SFI1: variants seen among roughly 807,000 people sequenced by gnomAD.
SFI1 encodes SFI1 centrin binding protein.
Under a neutral mutation model 207.5 loss-of-function variants are expected in SFI1, and 195 were observed. That is an observed-to-expected ratio of 0.94 (90% CI 0.84 to 1.06). The LOEUF (loss-of-function observed/expected upper bound fraction) is 1.06, where lower values mean the gene tolerates loss of function less well. SFI1 is among the 50% of genes least tolerant of loss of function. The pLI is 0.00. For missense variants in SFI1, 1,634 were observed against 1,588.0 expected (o/e 1.03, Z -0.49); for synonymous variants, 630 against 598.9 (o/e 1.05, Z -0.76).
At chr22:31,580,762 C>T (rs1214341679) in intron 12 of SFI1, among the ~76,000 whole-genome samples, 4 of 152,060 alleles carry the variant, frequency 2.6e-5, no homozygotes, top group East Asian at 1.9e-4. Flanking sequence ...AGGCTTGTCT[C>T]GAACTCCTGA....
intron 12 of SFI1, among the ~76,000 whole-genome samples, chr22:31,583,665 A>G (rs1202416667): frequency 6.6e-6 from 1 of 152,222 alleles, no homozygotes; most frequent in East Asian, 1.9e-4. Flanking sequence ...TCTAATTTCC[A>G]TAGACTGGAA....
At chr22:31,597,829 T>C (rs2067369654) in intron 15 of SFI1, among the ~76,000 whole-genome samples, 1 of 152,226 alleles carries the variant, frequency 6.6e-6, no homozygotes, top group Non-Finnish European at 1.5e-5. Context: ...TGATGGAATC[T>C]CATGAATTAT....
In SFI1 at chr22:31,602,356, A is replaced by G. The variant is rs1028397002; in HGVS notation, c.1626+63A>G. The G allele has an allele frequency of 2.3e-5, 35 of 1,500,628 alleles. No individual in the cohort carries two copies. In the African/African-American group the frequency reaches 4.8e-4, roughly 21 times the overall value. The allele number at this position is 1,500,628 out of a possible 1,614,324, so 93.0% of individuals were successfully genotyped here. A position where few individuals can be genotyped will look rare whatever the true frequency, so the allele number is the denominator to read the frequency against. Reference sequence around the variant, plus strand: ...GGATCTGATTCAAGCCATTGCACTCACGGCCTCCCCTCCTCAGGAAGTTGC... The same window carrying G: ...GGATCTGATTCAAGCCATTGCACTCGCGGCCTCCCCTCCTCAGGAAGTTGC... On this transcript the variant is annotated intron_variant, in intron 16 of 32. Coordinates refer to ENST00000400288, the MANE Select transcript of SFI1 (RefSeq NM_001007467.3).
chr22:31,529,903 G>A (rs2058298715), intron 3 of SFI1, among the ~76,000 whole-genome samples: 1 of 152,076 alleles, frequency 6.6e-6, no homozygotes. Context: ...GGGTATGGTG[G>A]CTCACGCCTG....
chr22:31,596,603 C>A (rs1175498578), intron 15 of SFI1, among the ~76,000 whole-genome samples: 2 of 151,830 alleles, frequency 1.3e-5, no homozygotes, highest in Non-Finnish European at 2.9e-5. Context: ...CCAGTCTGAC[C>A]AACATGGCAA....
chr22:31,535,804 A>G (rs2058942553), intron 4 of SFI1, among the ~76,000 whole-genome samples: 1 of 152,042 alleles, frequency 6.6e-6, no homozygotes, highest in African/African-American at 2.4e-5. Context: ...TGGTGTGATC[A>G]TAGCTCACTG....
rs995488126 is a variant in SFI1 at position 31,607,700 on chromosome 22, T to C, written c.2158-237T>C. The C allele has an allele frequency of 1.2e-5, 4 of 328,342 alleles. No homozygotes were observed. The East Asian group carries it at 1.6e-4, about 13-fold the overall frequency. The allele number at this position is 328,342 out of a possible 1,614,324, so 20.3% of individuals were successfully genotyped here. A position where few individuals can be genotyped will look rare whatever the true frequency, so the allele number is the denominator to read the frequency against. On this transcript the variant is annotated intron_variant, in intron 21 of 32. Transcript: ENST00000400288. ...CACTACTTTATGGCATGGTATGATA[T>C]GTAAATCCTGGTAGAAGAGTCCCAG...
chr22:31,510,886 A>G (rs972784526), intron 2 of SFI1, among the ~76,000 whole-genome samples: 11 of 152,096 alleles, frequency 7.2e-5, no homozygotes, highest in Non-Finnish European at 4.4e-5. Flanking sequence ...CCTCTCTTTC[A>G]TACCTAATTT....
At chr22:31,562,983 T>TTATATATA (rs56072629) in intron 8 of SFI1, among the ~76,000 whole-genome samples, 3 of 142,304 alleles carry the variant, frequency 2.1e-5, no homozygotes, top group Non-Finnish European at 4.6e-5. Context: ...TCATCATCTT[T>TTATATATA]TATATATATA....
At chr22:31,592,850 C>T (rs1215458269) in intron 15 of SFI1, among the ~76,000 whole-genome samples, 403 of 92,188 alleles carry the variant, frequency 4.4e-3, no homozygotes, top group Admixed American at 7.4e-3. Context: ...GCTGGCCAGG[C>T]GGGGGGGCTG....
At position 31,618,445 on chromosome 22, in the gene SFI1, T is replaced by G; in HGVS notation, c.*27T>G. On this transcript the variant is annotated 3_prime_UTR_variant, in exon 33 of 33. Coordinates refer to ENST00000400288, the MANE Select transcript of SFI1 (RefSeq NM_001007467.3). The stretch of plus-strand genomic sequence containing the variant: ...GTGTTCGCACCAGGAACGCAGGTGC[T>G]GGGCTGTCGGGGAGGCCTCAGGCCA... The G allele has an allele frequency of 6.6e-7, 1 of 1,517,570 alleles. No individual in the cohort carries two copies. Among genetic ancestry groups the G allele is most frequent in the Non-Finnish European group, 8.8e-7 (1 of 1,130,826 alleles). The allele number at this position is 1,517,570 out of a possible 1,614,324, so 94.0% of individuals were successfully genotyped here.
intron 2 of SFI1, among the ~76,000 whole-genome samples, chr22:31,511,270 T>A (rs2055464193): frequency 6.6e-6 from 1 of 152,118 alleles, no homozygotes; most frequent in African/African-American, 2.4e-5. Context: ...AGTTCAAGCA[T>A]AGCTGCTGAG....
In SFI1 at chr22:31,600,386, T is replaced by G. The variant is rs77744342; in HGVS notation, c.1545-1826T>G. Among the ~76,000 whole-genome samples the G allele has an allele frequency of 3.5e-3, 528 of 152,306 alleles. 2 individuals are homozygous for G. Among genetic ancestry groups the G allele is most frequent in the African/African-American group, 0.012 (512 of 41,558 alleles). On this transcript the variant is annotated intron_variant, in intron 15 of 32. Coordinates refer to ENST00000400288, the MANE Select transcript of SFI1 (RefSeq NM_001007467.3). ...TTAGTGTTTTTATACTAAGGTCAAC[T>G]GGGGTTGAACGATCTCAGCTTTTGT...
intron 29 of SFI1, 60 bp from the exon 30 acceptor site, chr22:31,616,685 C>T (rs1291435094): frequency 8.0e-6 from 12 of 1,500,366 alleles, no homozygotes; most frequent in Non-Finnish European, 1.1e-5. Context: ...GACTTGGTGT[C>T]CCCCTCCCTG....
At chr22:31,498,881 GGAGTTTCACTCTT>G (rs1464394021) in intron 1 of SFI1, among the ~76,000 whole-genome samples, 2 of 127,288 alleles carry the variant, frequency 1.6e-5, no homozygotes, top group East Asian at 4.7e-4. Context: ...TTTTTGAGAT[GGAGTTTCACTCTT>G]ATTGCCCAGG....
Position 31,545,255 on chromosome 22 carries a change from C to G in SFI1, c.339-1606C>G, listed in dbSNP as rs940071180. 2.6e-5 allele frequency among the ~76,000 whole-genome samples: 4 copies of G among 152,044 alleles called. 1 individual carries two copies. The highest frequency in any genetic ancestry group is 5.9e-5 in the Non-Finnish European group (4 of 68,028). ...ATGGCACATGCCTGTAATCCCGCTA[C>G]TCAGGAGGCTGAGTCAGGGAAATCG... On this transcript the variant is annotated intron_variant, in intron 4 of 32. Transcript: ENST00000400288.
intron 1 of SFI1, among the ~76,000 whole-genome samples, chr22:31,498,824 T>G (rs1212542454): frequency 6.6e-6 from 1 of 151,062 alleles, no homozygotes; most frequent in Non-Finnish European, 1.5e-5. Context: ...AACCTCATGA[T>G]AAAACTTGGA....
At chr22:31,577,358 T>C (rs886139195) in intron 10 of SFI1, among the ~76,000 whole-genome samples, 3 of 151,892 alleles carry the variant, frequency 2.0e-5, no homozygotes, top group Non-Finnish European at 2.9e-5. Context: ...GCTGTGGAGG[T>C]AGGGATGGTG....
chr22:31,563,559 T>G (rs189596686), intron 8 of SFI1, among the ~76,000 whole-genome samples: 1 of 150,244 alleles, frequency 6.7e-6, no homozygotes, highest in East Asian at 2.0e-4. Context: ...TCAGAACATG[T>G]TTAGAATTCC....
Sources: gnomAD v4.1 joint callset for allele counts (sites outside exome capture counted in the v4.1 genomes callset) on GRCh38, gnomAD v4.1.1 for gene constraint, MANE v1.5 for transcripts, NCBI Gene and HGNC (gene_info 2026-07-23, HGNC 2026-07-21) for gene names.